Variants in PCDH20 observed in about 807,000 individuals in gnomAD.
PCDH20 encodes the protein protocadherin 20, also known as protocadherin-20.
In PCDH20, 18 loss-of-function variants were observed where a neutral mutation model predicts 39.7. The observed-to-expected ratio is 0.45, with a 90% CI of 0.31 to 0.67. PCDH20 has a LOEUF of 0.67. PCDH20 is among the 30% of genes least tolerant of loss of function. The pLI is 0.05. For synonymous variants in PCDH20, 495 were observed against 455.4 expected, an observed-to-expected ratio of 1.09 and a Z score of -1.11; for missense variants, 1,161 against 1,167.4, an observed-to-expected ratio of 0.99 and a Z score of 0.08.
exon 2 of PCDH20, chr13:61,412,679 G>A (rs933313462): frequency 1.2e-6 from 2 of 1,614,112 alleles, no homozygotes; most frequent in Non-Finnish European, 1.7e-6. Flanking sequence ...AACCTAAACG[G>A]CCCTTCACCA....
chr13:61,411,001 CTTT>C, exon 2 of PCDH20: 14 of 192,320 alleles, frequency 7.3e-5, no homozygotes, highest in East Asian at 3.4e-4. Flanking sequence ...CATGTCCAAG[CTTT>C]TTTTTTTTTT....
At chr13:61,411,827 T>A in exon 2 of PCDH20, 1 of 1,613,934 alleles carries the variant, frequency 6.2e-7, no homozygotes, top group Non-Finnish European at 8.5e-7. Context: ...CCTGGCAGAG[T>A]AGAAGGCAGT....
At chr13:61,411,318 T>C (rs1485371674) in exon 2 of PCDH20, 2 of 1,613,960 alleles carry the variant, frequency 1.2e-6, no homozygotes, top group African/African-American at 2.7e-5. Context: ...GAATCTGTAC[T>C]TCCAAATTTT....
At chr13:61,409,732 T>A (rs924018726) in exon 2 of PCDH20, 3 of 152,034 alleles carry the variant, frequency 2.0e-5, no homozygotes, top group Admixed American at 6.6e-5. Flanking sequence ...TCATTTAATA[T>A]AAACTTTAGT....
exon 2 of PCDH20, chr13:61,413,669 C>T (rs1289845952): frequency 6.2e-7 from 1 of 1,614,038 alleles, no homozygotes; most frequent in Non-Finnish European, 8.5e-7. Flanking sequence ...ATCTCCTGAG[C>T]TGAAGTGTGC....
At chr13:61,409,871 T>C (rs562279352) in exon 2 of PCDH20, 13 of 152,064 alleles carry the variant, frequency 8.5e-5, no homozygotes, top group African/African-American at 3.1e-4. Flanking sequence ...TGAAAATATA[T>C]ACCTTTAATT....
intron 1 of PCDH20, among the ~76,000 whole-genome samples, chr13:61,414,660 C>G (rs1382274580): frequency 1.3e-5 from 2 of 152,234 alleles, no homozygotes; most frequent in South Asian, 4.1e-4. Flanking sequence ...TAGGGGGAAG[C>G]AAAGTAAACG....
At position 61,413,032 on chromosome 13, in the gene PCDH20, G is replaced by A. The variant is rs1300460940; in HGVS notation, c.1067C>T (p.Thr356Ile). The A allele has an allele frequency of 1.9e-6, 3 of 1,614,152 alleles. No homozygotes were observed. Among genetic ancestry groups the A allele is most frequent in the East Asian group, 2.2e-5 (1 of 44,886 alleles). ...TGGAACTTTCTGACTGTAAGAATAA[G>A]TAATTTGAGCATTGGTCCCCAAGTC... Residue 356 changes from threonine (T) to isoleucine (I), a missense_variant, in exon 2 of 2, where the codon ACT (threonine) becomes ATT (isoleucine). Physicochemically the swap from Thr to Ile is moderately conservative, Grantham distance 89. Coordinates refer to ENST00000409204, the Ensembl canonical transcript of PCDH20.
chr13:61,411,457 A>G, exon 2 of PCDH20: 1 of 1,614,070 alleles, frequency 6.2e-7, no homozygotes, highest in Admixed American at 1.7e-5. Flanking sequence ...CACAGATTCT[A>G]CCTTCCTATG....
exon 2 of PCDH20, chr13:61,411,809 C>G (rs1270076717): frequency 1.2e-6 from 2 of 1,614,152 alleles, no homozygotes; most frequent in African/African-American, 2.7e-5. Flanking sequence ...ACTTCTGTAA[C>G]CGGGGAGCCT....
At position 61,413,773 on chromosome 13, in the gene PCDH20, G is replaced by T. The variant is rs201988540; in HGVS notation, c.326C>A (p.Thr109Asn). 4.9e-4 allele frequency: 792 copies of T among 1,613,624 alleles called. No individual in the cohort carries two copies. The highest frequency in any genetic ancestry group is 9.9e-4 in the Middle Eastern group (6 of 6,060). The change falls in exon 2 of 2, where the codon ACC (threonine) becomes AAC (asparagine). Residue 109 changes from threonine to asparagine, a missense_variant. Physicochemically the swap from Thr to Asn is moderately conservative, Grantham distance 65. Coordinates refer to ENST00000409204, the Ensembl canonical transcript of PCDH20. ...GAGAGGGGGGTTCCACTCAGCACCG[G>T]TGCGCTCTGGCAGCTGCGACTGCGG...
chr13:61,415,408 A>C, exon 1 of PCDH20: 1 of 377,626 alleles, frequency 2.6e-6, no homozygotes, highest in Non-Finnish European at 4.6e-6. Flanking sequence ...GAAGACTGCG[A>C]AGAGGCAGCT....
At chr13:61,412,276 G>A in exon 2 of PCDH20, 5 of 1,614,190 alleles carry the variant, frequency 3.1e-6, no homozygotes, top group East Asian at 2.2e-5. Flanking sequence ...AGCTCTGACA[G>A]TGTATCTGTA....
intron 1 of PCDH20, among the ~76,000 whole-genome samples, chr13:61,414,204 C>A (rs558928715): frequency 2.0e-5 from 3 of 152,082 alleles, no homozygotes; most frequent in African/African-American, 4.8e-5. Flanking sequence ...GCCTTCCCCC[C>A]TCGTTTCCCC....
Position 61,415,014 on chromosome 13 carries a change from C to T in PCDH20, c.132+13G>A. ...TTGTCGGGGTCGCGGGGTTCCTTGA[C>T]CCTAACCCTTACCGGCAGGTTCCTG... On this transcript the variant is annotated intron_variant, in intron 1 of 1. Coordinates refer to ENST00000409204, the Ensembl canonical transcript of PCDH20. 6.9e-7 allele frequency: 1 copy of T among 1,458,786 alleles called. No individual in the cohort carries two copies. Among genetic ancestry groups the T allele is most frequent in the African/African-American group, 1.4e-5 (1 of 69,114 alleles). The allele number at this position is 1,458,786 out of a possible 1,614,324, so 90.4% of individuals were successfully genotyped here. A position where few individuals can be genotyped will look rare whatever the true frequency, so the allele number is the denominator to read the frequency against.
exon 2 of PCDH20, chr13:61,411,935 G>C (rs1878254665): frequency 6.2e-7 from 1 of 1,614,082 alleles, no homozygotes; most frequent in Non-Finnish European, 8.5e-7. Context: ...GTAGAGGAGA[G>C]GGCAGGCTCA....
exon 2 of PCDH20, chr13:61,412,417 T>A (rs951300649): frequency 1.2e-6 from 2 of 1,614,138 alleles, no homozygotes; most frequent in Non-Finnish European, 1.7e-6. Flanking sequence ...GCTGTCGGCA[T>A]CTGTAGCATA....
chr13:61,412,445 C>T (rs1366634825), exon 2 of PCDH20: 2 of 1,614,034 alleles, frequency 1.2e-6, no homozygotes, highest in African/African-American at 1.3e-5. Context: ...GTCAAAAAGG[C>T]ATTGGGTGAG....
intron 1 of PCDH20, 111 bp from the exon 2 acceptor site, chr13:61,414,077 C>G: frequency 1.0e-6 from 1 of 970,404 alleles, no homozygotes; most frequent in Non-Finnish European, 1.5e-6. Flanking sequence ...TTCCCAGAAG[C>G]AAAACCTCTA....
Sources: allele counts gnomAD v4.1 joint callset (sites outside exome capture counted in the v4.1 genomes callset), GRCh38; gene constraint gnomAD v4.1.1; transcripts MANE v1.5; gene names NCBI Gene and HGNC (gene_info 2026-07-23, HGNC 2026-07-21).